The following RGS7BP variants were observed in gnomAD, a reference collection of about 807,000 sequenced individuals.
RGS7BP encodes regulator of G protein signaling 7 binding protein, also known as regulator of G protein signaling 7-binding protein.
A neutral mutation model predicts 31.3 loss-of-function variants in RGS7BP; 9 were observed. The observed-to-expected ratio is 0.29, with a 90% CI of 0.17 to 0.50. RGS7BP has a LOEUF of 0.50. Among genes scored for constraint, RGS7BP ranks in the 20% least tolerant of loss-of-function variants. The pLI, the probability that RGS7BP is intolerant of heterozygous loss-of-function variation, is 0.98. For synonymous variants in RGS7BP, 115 were observed against 120.1 expected (o/e 0.96, Z 0.28); for missense variants, 274 against 322.0 (o/e 0.85, Z 1.14).
chr5:64,543,351 C>A (rs960704454), intron 2 of RGS7BP, among the ~76,000 whole-genome samples: 2 of 152,112 alleles, frequency 1.3e-5, no homozygotes, highest in African/African-American at 4.8e-5. Flanking sequence ...TCGGCTTAGG[C>A]CAAAAAGAGA....
At chr5:64,567,459 C>G (rs906993640) in intron 2 of RGS7BP, among the ~76,000 whole-genome samples, 11 of 152,142 alleles carry the variant, frequency 7.2e-5, no homozygotes, top group African/African-American at 2.7e-4. Flanking sequence ...CCTCAGTCAT[C>G]AAGCAAATAC....
At chr5:64,548,851 C>CTTTTTTTTT (rs555751491) in intron 2 of RGS7BP, among the ~76,000 whole-genome samples, 1 of 137,492 alleles carries the variant, frequency 7.3e-6, no homozygotes, top group African/African-American at 2.7e-5. Context: ...AAGCCCTTTC[C>CTTTTTTTTT]TTTTTTTTTT....
At chr5:64,519,581 A>G (rs951134160) in intron 2 of RGS7BP, among the ~76,000 whole-genome samples, 1 of 152,180 alleles carries the variant, frequency 6.6e-6, no homozygotes, top group Non-Finnish European at 1.5e-5. Context: ...TTTCTCTTTT[A>G]GTTATGCAGT....
chr5:64,518,302 C>T (rs370621471), intron 2 of RGS7BP, among the ~76,000 whole-genome samples: 112 of 147,660 alleles, frequency 7.6e-4, no homozygotes, highest in Non-Finnish European at 1.3e-3. Flanking sequence ...CTTCTAGGTG[C>T]GGTAGATACA....
At chr5:64,512,821 TA>T (rs1158999008) in intron 2 of RGS7BP, among the ~76,000 whole-genome samples, 4 of 152,150 alleles carry the variant, frequency 2.6e-5, no homozygotes, top group African/African-American at 7.2e-5. Context: ...TGAGATACCA[TA>T]AAAATTATAT....
At chr5:64,545,055 A>C (rs1741620513) in intron 2 of RGS7BP, among the ~76,000 whole-genome samples, 1 of 152,096 alleles carries the variant, frequency 6.6e-6, no homozygotes, top group Non-Finnish European at 1.5e-5. Flanking sequence ...GGGCACCTGT[A>C]GTCCCAGCTA....
intron 2 of RGS7BP, among the ~76,000 whole-genome samples, chr5:64,526,287 T>C (rs913919253): frequency 6.0e-4 from 91 of 152,320 alleles, no homozygotes; most frequent in African/African-American, 2.2e-3. Flanking sequence ...TATTGGCATC[T>C]GGCTTGTTGG....
chr5:64,598,591 G>A (rs1001171873), intron 5 of RGS7BP, among the ~76,000 whole-genome samples, 156 bp downstream of exon 5: 6 of 152,118 alleles, frequency 3.9e-5, no homozygotes, highest in African/African-American at 1.4e-4. Flanking sequence ...AATGAGACTA[G>A]AAACTCTCTG....
chr5:64,512,200 T>C (rs1012839857), intron 2 of RGS7BP, among the ~76,000 whole-genome samples: 3 of 152,236 alleles, frequency 2.0e-5, no homozygotes, highest in Non-Finnish European at 4.4e-5. Flanking sequence ...TTTTGGTTAA[T>C]GGCTCTCAAG....
rs1226832168 is a variant in RGS7BP, at chr5:64,506,897, C to T, written c.165+108C>T. ...GTGCCAGCCACTCCCCCACCCTCAG[C>T]TCCTCAATGCCGATCACGTGGCACA... On this transcript the variant is annotated intron_variant, in intron 1 of 5. Transcript: ENST00000334025. This position sits in a 1 kb window ranked among gnomAD's most constrained non-coding sequence, Gnocchi z 4.6. The T allele has an allele frequency of 4.8e-6, 5 of 1,037,278 alleles. No individual in the cohort carries two copies. Among genetic ancestry groups the T allele is most frequent in the African/African-American group, 3.2e-5 (2 of 61,958 alleles). The allele number at this position is 1,037,278 out of a possible 1,614,324, so 64.3% of individuals were successfully genotyped here. A position where few individuals can be genotyped will look rare whatever the true frequency, so the allele number is the denominator to read the frequency against.
chr5:64,567,888 G>A (rs185749416), intron 2 of RGS7BP, among the ~76,000 whole-genome samples: 4 of 137,996 alleles, frequency 2.9e-5, no homozygotes, highest in Non-Finnish European at 6.9e-5. Context: ...TTTCTTTCCA[G>A]TATAACACAT....
rs1044744745 is a variant in RGS7BP at position 64,506,370 on chromosome 5, G to T, written c.-255G>T. 8.3e-6 allele frequency: 3 copies of T among 361,318 alleles called. No individual in the cohort carries two copies. Among genetic ancestry groups the T allele is most frequent in the Non-Finnish European group, 1.5e-5 (3 of 202,154 alleles). 22.4% of individuals were successfully genotyped at this position (361,318 alleles called of 1,614,324 possible). ...GCGCCCAGCTCCCGGGACAGGGTCG[G>T]CAATGCTGCTGAGCAGAACTTGATC... On this transcript the variant is annotated 5_prime_UTR_variant, in exon 1 of 6. Transcript: ENST00000334025. The surrounding 1 kb of genome is among the most constrained non-coding windows in gnomAD (Gnocchi z 4.6).
intron 2 of RGS7BP, among the ~76,000 whole-genome samples, chr5:64,532,149 G>T (rs1749386288): frequency 6.6e-6 from 1 of 152,190 alleles, no homozygotes; most frequent in Admixed American, 6.5e-5. Context: ...GCTCACCAAA[G>T]ACAGATTTAT....
intron 2 of RGS7BP, among the ~76,000 whole-genome samples, chr5:64,557,236 T>C (rs1259767746): frequency 2.0e-5 from 3 of 152,194 alleles, no homozygotes; most frequent in Admixed American, 1.3e-4. Context: ...GCAGCCAGCA[T>C]GTGTAAACTT....
chr5:64,530,768 T>A (rs1165825026), intron 2 of RGS7BP, among the ~76,000 whole-genome samples: 1 of 152,182 alleles, frequency 6.6e-6, no homozygotes, highest in African/African-American at 2.4e-5. Context: ...TTTTCTTTTT[T>A]TTTTGCAAGC....
chr5:64,562,721 C>A (rs541025325), intron 2 of RGS7BP, among the ~76,000 whole-genome samples: 2 of 152,206 alleles, frequency 1.3e-5, no homozygotes, highest in South Asian at 2.1e-4. Context: ...CACAGGGACC[C>A]AAATCCATGG....
chr5:64,608,136 GC>G lies in RGS7BP; in HGVS notation c.683-1023del, dbSNP rs1263963423. On this transcript the variant is annotated intron_variant, in intron 5 of 5. Coordinates refer to ENST00000334025, the MANE Select transcript of RGS7BP (RefSeq NM_001029875.3). ...GCTTAGGTACGTAACAGTCACCAAT[GC>G]CAACCATCTTGTTGCCCTTAGCTCC... Among the ~76,000 whole-genome samples, 4 of 151,996 alleles carry G rather than the reference GC, an allele frequency of 2.6e-5. No homozygotes were observed. The East Asian group carries it at 7.7e-4, about 29-fold the overall frequency.
At chr5:64,557,119 C>T (rs1286111252) in intron 2 of RGS7BP, among the ~76,000 whole-genome samples, 1 of 152,060 alleles carries the variant, frequency 6.6e-6, no homozygotes, top group Non-Finnish European at 1.5e-5. Context: ...AAACAACAAA[C>T]AAAACAAAAA....
chr5:64,580,744 T>C (rs887493872), intron 3 of RGS7BP, among the ~76,000 whole-genome samples: 1 of 152,182 alleles, frequency 6.6e-6, no homozygotes, highest in African/African-American at 2.4e-5. Context: ...GTGGTACCAC[T>C]GGTGTGGCCT....
Sources: gnomAD v4.1 joint callset for allele counts (sites outside exome capture counted in the v4.1 genomes callset) on GRCh38, gnomAD v4.1.1 for gene constraint, Gnocchi (gnomAD v3.1) non-coding constraint, MANE v1.5 for transcripts, NCBI Gene and HGNC (gene_info 2026-07-23, HGNC 2026-07-21) for gene names.